Variants in CACNA1C observed in about 807,000 individuals in gnomAD.
The protein encoded by CACNA1C is calcium voltage-gated channel subunit alpha1 C, also known as voltage-dependent L-type calcium channel subunit alpha-1C.
Under a neutral mutation model 229.0 loss-of-function variants are expected in CACNA1C, and 30 were observed. The observed-to-expected ratio is 0.13, with a 90% CI of 0.10 to 0.18. The LOEUF is 0.18. Ranked by LOEUF, CACNA1C falls within the 10% of genes least tolerant of loss-of-function variation. The pLI is 1.00. For synonymous variants in CACNA1C, 1,114 were observed against 1,132.5 expected (o/e 0.98, Z 0.33); for missense variants, 1,658 against 2,845.0 (o/e 0.58, Z 9.49).
intron 1 of CACNA1C, among the ~76,000 whole-genome samples, chr12:2,044,204 C>A (rs1207904777): frequency 6.6e-6 from 1 of 152,152 alleles, no homozygotes; most frequent in Non-Finnish European, 1.5e-5. Context: ...TCAAGTATGA[C>A]TTTGACTGAA....
In CACNA1C at chr12:2,575,029, G is replaced by A. The variant is rs1476521443; in HGVS notation, c.1896-6561G>A. On this transcript the variant is annotated intron_variant, in intron 13 of 46. Transcript: ENST00000399655. The surrounding 1 kb of genome is among the most constrained non-coding windows in gnomAD (Gnocchi z 4.0). ...TGACACTGAGTAGCCCCGTGGCCCAGAAGCTCAGAGAAGCATGCTGCTAAG... is the reference window on the plus strand; with the variant it reads ...TGACACTGAGTAGCCCCGTGGCCCAAAAGCTCAGAGAAGCATGCTGCTAAG... Among the ~76,000 whole-genome samples the A allele has an allele frequency of 1.3e-5, 2 of 152,230 alleles. No individual in the cohort carries two copies. The highest frequency in any genetic ancestry group is 4.8e-5 in the African/African-American group (2 of 41,460).
At chr12:2,229,764 TG>T (rs1248767645) in intron 3 of CACNA1C, among the ~76,000 whole-genome samples, 2 of 152,174 alleles carry the variant, frequency 1.3e-5, no homozygotes, top group African/African-American at 2.4e-5. Flanking sequence ...ACGAACGGCC[TG>T]GCAGGCTCAA....
At chr12:2,604,976 C>T (rs1172262987) in intron 22 of CACNA1C, 105 bp from the exon 23 acceptor site, 4 of 821,694 alleles carry the variant, frequency 4.9e-6, no homozygotes, top group African/African-American at 3.4e-5. Flanking sequence ...TATGTTTTCT[C>T]AGGTTTGCCT....
Position 2,605,887 on chromosome 12 carries a change from G to A in CACNA1C, c.3156+101G>A. On this transcript the variant is annotated intron_variant, in intron 24 of 46. Coordinates refer to ENST00000399655, the MANE Select transcript of CACNA1C (RefSeq NM_000719.7). This position sits in a 1 kb window ranked among gnomAD's most constrained non-coding sequence, Gnocchi z 6.2. The stretch of plus-strand genomic sequence containing the variant: ...TAGTACAAACGAGACAGTGTCCTGA[G>A]CCAGACTTGGCTTGGATATAACCTC... 1 of 827,308 alleles carries A rather than the reference G, an allele frequency of 1.2e-6. No homozygotes were observed. Among genetic ancestry groups the A allele is most frequent in the Non-Finnish European group, 2.0e-6 (1 of 489,006 alleles). The allele number at this position is 827,308 out of a possible 1,614,324, so 51.2% of individuals were successfully genotyped here. A position where few individuals can be genotyped will look rare whatever the true frequency, so the allele number is the denominator to read the frequency against.
At chr12:2,051,678 G>A (rs1055703569), upstream of CACNA1C, among the ~76,000 whole-genome samples, 2 of 152,180 alleles carry the variant, frequency 1.3e-5, no homozygotes, top group Non-Finnish European at 2.9e-5. Context: ...TGAGAGAAAG[G>A]AGTCAAGAGT....
chr12:2,325,394 A>G (rs2096246776), intron 3 of CACNA1C, among the ~76,000 whole-genome samples: 1 of 152,254 alleles, frequency 6.6e-6, no homozygotes, highest in African/African-American at 2.4e-5. Context: ...GTGTTTTAAC[A>G]GAGGACTCCT....
intron 3 of CACNA1C, among the ~76,000 whole-genome samples, chr12:2,258,734 A>T (rs768287252): frequency 3.3e-4 from 50 of 152,168 alleles, no homozygotes; most frequent in Non-Finnish European, 4.3e-4. Context: ...CTCGTATTTT[A>T]AGACGCCTGA....
intron 3 of CACNA1C, among the ~76,000 whole-genome samples, chr12:2,425,927 C>T (rs1213419116): frequency 2.6e-5 from 4 of 152,130 alleles, no homozygotes; most frequent in Non-Finnish European, 5.9e-5. Context: ...GAGGGGTCTT[C>T]CTTGCTTTGG....
Position 2,585,384 on chromosome 12 carries a change from G to T in CACNA1C, c.2348G>T (p.Ser783Ile), listed in dbSNP as rs1160521285. The T allele has an allele frequency of 7.4e-6, 12 of 1,612,638 alleles. No homozygotes were observed. Among genetic ancestry groups the T allele is most frequent in the South Asian group, 6.6e-5 (6 of 90,744 alleles). The change falls in exon 17 of 47, where the codon AGC (serine) becomes ATC (isoleucine). Residue 783 changes from serine to isoleucine, a missense_variant. Coordinates refer to ENST00000399655, the MANE Select transcript of CACNA1C (RefSeq NM_000719.7). The surrounding 1 kb of genome is among the most constrained non-coding windows in gnomAD (Gnocchi z 4.1). The stretch of plus-strand genomic sequence containing the variant: ...TGCTGCTGACTGGCCAGGACTGCCA[G>T]CCCAGAGAAGAAACAAGAGTTGGTG... ...KERKKLARTASPEKKQELVEK... is the reference protein window; with the variant it reads ...KERKKLARTAIPEKKQELVEK...
chr12:2,669,081 C>G, intron 38 of CACNA1C, 46 bp downstream of exon 38: 1 of 1,304,152 alleles, frequency 7.7e-7, no homozygotes, highest in South Asian at 1.2e-5. Flanking sequence ...GAAGGTCTAG[C>G]AGACAATCAG....
chr12:2,205,093 T>G (rs2097716370), intron 3 of CACNA1C, among the ~76,000 whole-genome samples: 1 of 152,114 alleles, frequency 6.6e-6, no homozygotes, highest in South Asian at 2.1e-4. Flanking sequence ...GCCAGTGAGC[T>G]CTTCCACCCA....
At chr12:2,425,875 A>G (rs910566735) in intron 3 of CACNA1C, among the ~76,000 whole-genome samples, 4 of 152,338 alleles carry the variant, frequency 2.6e-5, no homozygotes, top group South Asian at 4.1e-4. Context: ...GGGTTTTTAG[A>G]AAGCCCCAAG....
intron 1 of CACNA1C, among the ~76,000 whole-genome samples, chr12:1,983,360 CCAATA>C (rs1481792535): frequency 1.3e-5 from 2 of 151,916 alleles, no homozygotes; most frequent in African/African-American, 4.8e-5. Context: ...TTCTTCTTTT[CCAATA>C]CAAGTATTTG....
intron 1 of CACNA1C, among the ~76,000 whole-genome samples, chr12:2,063,546 A>C (rs528605803): frequency 6.6e-6 from 1 of 152,380 alleles, no homozygotes; most frequent in Non-Finnish European, 1.5e-5. Flanking sequence ...ATGACAATTT[A>C]CATGATAAAT....
intron 3 of CACNA1C, among the ~76,000 whole-genome samples, chr12:2,268,274 G>A (rs2083222103): frequency 6.6e-6 from 1 of 152,158 alleles, no homozygotes; most frequent in Admixed American, 6.5e-5. Context: ...CCAGAGGGGT[G>A]TGACTTTGAG....
chr12:2,617,408 T>C (rs958439231), intron 29 of CACNA1C, among the ~76,000 whole-genome samples: 5 of 152,188 alleles, frequency 3.3e-5, no homozygotes, highest in African/African-American at 9.7e-5. Flanking sequence ...GGAATGGTCG[T>C]CCTAGTGGCG....
In CACNA1C at chr12:2,486,123, T is replaced by C. The variant is rs1433280046; in HGVS notation, c.777T>C (p.Asn259=). The change falls in exon 6 of 47, where the codon AAT becomes AAC. Residue 259 remains asparagine (N), a synonymous_variant. Transcript: ENST00000399655. This position sits in a 1 kb window ranked among gnomAD's most constrained non-coding sequence, Gnocchi z 4.9. Reference sequence around the variant, plus strand: ...CCGCAGGTCTCCAGGTGGTCCTGAATTCCATCATCAAGGCCATGGTCCCCC... The same window carrying C: ...CCGCAGGTCTCCAGGTGGTCCTGAACTCCATCATCAAGGCCATGGTCCCCC... The part of the protein sequence containing the change: ...SGVPSLQVVL[N]SIIKAMVPLL... 3.1e-6 allele frequency: 5 copies of C among 1,609,554 alleles called. No individual in the cohort carries two copies. The highest frequency in any genetic ancestry group is 1.7e-5 in the Admixed American group (1 of 59,826).
chr12:2,185,222 G>C (rs2096960915), intron 3 of CACNA1C, among the ~76,000 whole-genome samples: 1 of 152,190 alleles, frequency 6.6e-6, no homozygotes, highest in Non-Finnish European at 1.5e-5. Flanking sequence ...TGGCAGGCAG[G>C]CGAGATAGAC....
At chr12:2,050,966 A>G (rs2052057519), upstream of CACNA1C, among the ~76,000 whole-genome samples, 1 of 152,252 alleles carries the variant, frequency 6.6e-6, no homozygotes, top group Non-Finnish European at 1.5e-5. Context: ...GCACTGGTGA[A>G]CAAAATAGAT....
Sources: allele counts gnomAD v4.1 joint callset (sites outside exome capture counted in the v4.1 genomes callset), GRCh38; gene constraint gnomAD v4.1.1; non-coding constraint Gnocchi (gnomAD v3.1); transcripts MANE v1.5; gene names NCBI Gene and HGNC (gene_info 2026-07-23, HGNC 2026-07-21).